The following FOXP2 variants were observed in gnomAD, a reference collection of about 807,000 sequenced individuals.
The protein encoded by FOXP2 is forkhead box P2.
A neutral mutation model predicts 115.8 loss-of-function variants in FOXP2; 12 were observed. The observed-to-expected ratio is 0.10, with a 90% CI of 0.07 to 0.17. The LOEUF is 0.17. Among genes scored for constraint, FOXP2 ranks in the 10% least tolerant of loss-of-function variants. FOXP2 has a pLI of 1.00. For missense variants in FOXP2, 629 were observed against 843.5 expected (o/e 0.75, Z 3.15); for synonymous variants, 328 against 297.7 (o/e 1.10, Z -1.05).
At chr7:114,116,048 C>G (rs937459549) in intron 1 of FOXP2, among the ~76,000 whole-genome samples, 2 of 152,122 alleles carry the variant, frequency 1.3e-5, no homozygotes, top group African/African-American at 2.4e-5. Flanking sequence ...TGGTTTTACC[C>G]AAAGACTACT....
At chr7:114,662,295 A>G (rs1806913851) in intron 14 of FOXP2, 109 bp downstream of exon 14, 1 of 1,445,584 alleles carries the variant, frequency 6.9e-7, no homozygotes, top group Non-Finnish European at 9.6e-7. Context: ...GCATGCTAAC[A>G]TTCTCGTGGC....
intron 2 of FOXP2, among the ~76,000 whole-genome samples, chr7:114,315,943 A>G (rs1163954083): frequency 2.0e-5 from 3 of 152,228 alleles, no homozygotes; most frequent in African/African-American, 2.4e-5. Flanking sequence ...CCCATAGGGC[A>G]TATCACAACC....
chr7:114,548,777 C>T (rs934639415), intron 3 of FOXP2, among the ~76,000 whole-genome samples: 1 of 152,134 alleles, frequency 6.6e-6, no homozygotes, highest in South Asian at 2.1e-4. Flanking sequence ...ATGAGGGATT[C>T]TGATGGAACA....
At chr7:114,570,011 G>A (rs1279566271) in intron 3 of FOXP2, among the ~76,000 whole-genome samples, 2 of 151,812 alleles carry the variant, frequency 1.3e-5, no homozygotes, top group Admixed American at 1.3e-4. Flanking sequence ...TGAAGTCTAA[G>A]GATGTGTTGT....
intron 2 of FOXP2, among the ~76,000 whole-genome samples, chr7:114,452,474 G>A (rs979832518): frequency 1.3e-4 from 20 of 152,032 alleles, no homozygotes; most frequent in African/African-American, 4.8e-4. Context: ...TTCAAAAAAT[G>A]CATGAGTACA....
At position 114,373,474 on chromosome 7, in the gene FOXP2, A is replaced by G. The variant is rs1792065352; in HGVS notation, c.-10-53028A>G. Among the ~76,000 whole-genome samples, 3 of 152,238 alleles carry G rather than the reference A, an allele frequency of 2.0e-5. No individual in the cohort carries two copies. In the South Asian group the frequency reaches 6.2e-4, roughly 31 times the overall value. On this transcript the variant is annotated intron_variant, in intron 2 of 17. Transcript: ENST00000634411. ...CTATGAGAAAAACAAAACAAAAAACAACTCCAAAGGGAATGCTCTTTCTGT... is the reference window on the plus strand; with the variant it reads ...CTATGAGAAAAACAAAACAAAAAACGACTCCAAAGGGAATGCTCTTTCTGT...
chr7:114,472,451 T>C (rs146683009), intron 2 of FOXP2, among the ~76,000 whole-genome samples: 1,813 of 151,948 alleles, frequency 0.012, 32 homozygotes, highest in African/African-American at 0.041. Flanking sequence ...GTTTAAGTGA[T>C]TCTCCTGTCT....
chr7:114,214,300 C>T (rs1239344003), intron 1 of FOXP2, among the ~76,000 whole-genome samples: 7 of 152,160 alleles, frequency 4.6e-5, no homozygotes, highest in Non-Finnish European at 8.8e-5. Context: ...CACAGTCCTA[C>T]TATACAGCAC....
intron 1 of FOXP2, 86 bp from the exon 2 acceptor site, chr7:114,426,416 C>G: frequency 1.6e-6 from 2 of 1,258,202 alleles, no homozygotes; most frequent in Non-Finnish European, 2.3e-6. Context: ...AAGATGCTGT[C>G]TCTGTAATTG....
At chr7:114,205,855 A>T (rs565694551) in intron 1 of FOXP2, among the ~76,000 whole-genome samples, 1 of 152,160 alleles carries the variant, frequency 6.6e-6, no homozygotes, top group Non-Finnish European at 1.5e-5. Flanking sequence ...TCTCTCTTCA[A>T]CTTAGTAGCT....
intron 1 of FOXP2, among the ~76,000 whole-genome samples, chr7:114,236,971 C>A (rs543521344): frequency 3.7e-4 from 56 of 152,124 alleles, no homozygotes; most frequent in African/African-American, 1.3e-3. Flanking sequence ...AAGACCCTGT[C>A]TCAAAAAGAA....
At chr7:114,159,087 A>C (rs1411073273), upstream of FOXP2, among the ~76,000 whole-genome samples, 2 of 152,172 alleles carry the variant, frequency 1.3e-5, no homozygotes, top group Non-Finnish European at 2.9e-5. Flanking sequence ...TGATTCAAGA[A>C]AAAGAATACA....
intron 1 of FOXP2, among the ~76,000 whole-genome samples, chr7:114,176,803 A>C (rs1793327672): frequency 6.6e-6 from 1 of 152,022 alleles, no homozygotes; most frequent in Non-Finnish European, 1.5e-5. Flanking sequence ...CCAGTAACAC[A>C]TTTGTTTGTA....
intron 2 of FOXP2, among the ~76,000 whole-genome samples, chr7:114,440,136 A>T (rs960360678): frequency 6.6e-6 from 1 of 152,150 alleles, no homozygotes; most frequent in African/African-American, 2.4e-5. Context: ...TCCCCATTTT[A>T]TAGATTATAG....
intron 1 of FOXP2, among the ~76,000 whole-genome samples, chr7:114,129,511 A>C (rs1421345560): frequency 1.3e-5 from 2 of 152,214 alleles, no homozygotes; most frequent in African/African-American, 4.8e-5. Flanking sequence ...GAGACTAAAA[A>C]AAAAATGTGT....
intron 2 of FOXP2, among the ~76,000 whole-genome samples, chr7:114,468,552 C>T (rs760531425): frequency 2.0e-5 from 3 of 152,028 alleles, no homozygotes; most frequent in Admixed American, 6.6e-5. Context: ...TAGTTCCCTA[C>T]GCTACATACG....
chr7:114,123,366 AAG>A (rs1234052179), intron 1 of FOXP2, among the ~76,000 whole-genome samples: 8 of 150,960 alleles, frequency 5.3e-5, no homozygotes, highest in African/African-American at 7.3e-5. Flanking sequence ...AAAAAAAAAA[AAG>A]AAAGAAAGAA....
At chr7:114,385,430 A>G (rs2396728) in intron 2 of FOXP2, among the ~76,000 whole-genome samples, 58,596 of 152,016 alleles carry the variant, frequency 0.39, 12,240 homozygotes, top group African/African-American at 0.52. Flanking sequence ...GCAACTGCTG[A>G]GTAGAGAATT....
chr7:114,351,462 A>G (rs1474866477), intron 2 of FOXP2, among the ~76,000 whole-genome samples: 2 of 152,164 alleles, frequency 1.3e-5, no homozygotes, highest in Non-Finnish European at 1.5e-5. Flanking sequence ...TTGGTGCTTT[A>G]TAATCCAAAG....
Sources: gnomAD v4.1 joint callset for allele counts (sites outside exome capture counted in the v4.1 genomes callset) on GRCh38, gnomAD v4.1.1 for gene constraint, MANE v1.5 for transcripts, NCBI Gene and HGNC (gene_info 2026-07-23, HGNC 2026-07-21) for gene names.